GPHN: variants seen among roughly 807,000 people sequenced by gnomAD.
GPHN encodes gephyrin.
A neutral mutation model predicts 95.5 loss-of-function variants in GPHN; 17 were observed. That is an observed-to-expected ratio of 0.18 (90% CI 0.12 to 0.27). The LOEUF is 0.27. Among genes scored for constraint, GPHN ranks in the 10% least tolerant of loss-of-function variants. The pLI is 1.00. For missense variants in GPHN, 660 were observed against 978.1 expected, an observed-to-expected ratio of 0.67 and a Z score of 4.34; for synonymous variants, 320 against 322.5, an observed-to-expected ratio of 0.99 and a Z score of 0.08.
the GPHN span, among the ~76,000 whole-genome samples, chr14:67,545,674 G>A: frequency 6.6e-6 from 1 of 152,172 alleles, no homozygotes; most frequent in Non-Finnish European, 1.5e-5. Flanking sequence ...CAGAGAGATG[G>A]ATAAACATAT....
chr14:67,604,737 C>G, the GPHN span, among the ~76,000 whole-genome samples: 1 of 152,036 alleles, frequency 6.6e-6, no homozygotes, highest in Non-Finnish European at 1.5e-5. Context: ...AAAACTTTGC[C>G]TATCTTTTTT....
At chr14:66,531,854 A>C (rs1476203137) in intron 1 of GPHN, among the ~76,000 whole-genome samples, 1 of 152,204 alleles carries the variant, frequency 6.6e-6, no homozygotes, top group South Asian at 2.1e-4. Flanking sequence ...AGGGTTTTCA[A>C]AACTTTTTTA....
intron 17 of GPHN, among the ~76,000 whole-genome samples, chr14:67,142,338 C>G (rs2080517501): frequency 6.6e-6 from 1 of 152,156 alleles, no homozygotes; most frequent in Admixed American, 6.5e-5. Context: ...TCAACTATTC[C>G]CAATCATCCT....
At chr14:67,493,284 G>A in the GPHN span, among the ~76,000 whole-genome samples, 15 of 152,046 alleles carry the variant, frequency 9.9e-5, no homozygotes, top group Non-Finnish European at 1.5e-4. Context: ...ACCCAAACAC[G>A]CCCAAGCATA....
the GPHN span, among the ~76,000 whole-genome samples, chr14:67,366,160 G>A: frequency 6.6e-6 from 1 of 151,222 alleles, no homozygotes; most frequent in African/African-American, 2.4e-5. Flanking sequence ...ATAGGTCGCT[G>A]CAGCCTTGAA....
chr14:66,633,347 A>T (rs1490695347), intron 1 of GPHN, among the ~76,000 whole-genome samples: 5 of 152,170 alleles, frequency 3.3e-5, no homozygotes, highest in Admixed American at 6.5e-5. Context: ...TTATTAAGGA[A>T]TCAACAAAAA....
At chr14:67,555,803 C>G in the GPHN span, 4 of 1,612,510 alleles carry the variant, frequency 2.5e-6, no homozygotes, top group Non-Finnish European at 3.4e-6. Context: ...CCTACATCTC[C>G]CCTTTCTCTC....
the GPHN span, among the ~76,000 whole-genome samples, chr14:67,583,376 A>G: frequency 3.9e-5 from 6 of 152,008 alleles, no homozygotes; most frequent in African/African-American, 1.4e-4. Context: ...CATTTGGAAC[A>G]CTCTGCTGTA....
chr14:66,974,872 A>G (rs1396383718), intron 9 of GPHN, among the ~76,000 whole-genome samples: 3 of 152,150 alleles, frequency 2.0e-5, no homozygotes, highest in East Asian at 1.9e-4. Context: ...GTGGCTTTCA[A>G]AAAGTTACTT....
chr14:67,466,212 G>A, the GPHN span, among the ~76,000 whole-genome samples: 1 of 152,270 alleles, frequency 6.6e-6, no homozygotes, highest in African/African-American at 2.4e-5. Context: ...CTGTTTGGAA[G>A]CTGTAATTGT....
chr14:66,718,064 A>G (rs1003088849), intron 2 of GPHN, among the ~76,000 whole-genome samples: 2 of 152,126 alleles, frequency 1.3e-5, no homozygotes, highest in Non-Finnish European at 2.9e-5. Context: ...GGGCCCTAGA[A>G]TGCCCGAGTG....
At chr14:67,706,863 C>T in the GPHN span, among the ~76,000 whole-genome samples, 1 of 152,106 alleles carries the variant, frequency 6.6e-6, no homozygotes, top group Admixed American at 6.5e-5. Context: ...ATGGTTCGTT[C>T]CTAGACAGGT....
At chr14:67,023,960 C>T (rs1393206565) in intron 10 of GPHN, among the ~76,000 whole-genome samples, 5 of 151,904 alleles carry the variant, frequency 3.3e-5, no homozygotes, top group African/African-American at 4.8e-5. Flanking sequence ...GTTCCACTGC[C>T]AAAAGTTATT....
chr14:66,790,326 A>T (rs1159065026), intron 3 of GPHN, among the ~76,000 whole-genome samples: 1 of 152,194 alleles, frequency 6.6e-6, no homozygotes, highest in African/African-American at 2.4e-5. Flanking sequence ...AAGATCAGCC[A>T]GGAAGTACTC....
the GPHN span, among the ~76,000 whole-genome samples, chr14:67,254,033 C>CG: frequency 1.3e-4 from 18 of 143,080 alleles, no homozygotes; most frequent in Middle Eastern, 3.8e-3. Context: ...CATCCCCCCC[C>CG]CCTTACAAGT....
chr14:67,303,407 T>C, the GPHN span: 2 of 744,928 alleles, frequency 2.7e-6, no homozygotes. Flanking sequence ...CTGCTGGTCA[T>C]TTAAGTCTGT....
intron 8 of GPHN, among the ~76,000 whole-genome samples, chr14:66,935,723 C>T (rs984864122): frequency 2.6e-5 from 4 of 151,306 alleles, no homozygotes; most frequent in African/African-American, 4.9e-5. Context: ...TTTATGTGCA[C>T]GTATACATGT....
intron 1 of GPHN, among the ~76,000 whole-genome samples, chr14:66,573,107 T>C (rs1384941588): frequency 6.6e-6 from 1 of 152,234 alleles, no homozygotes; most frequent in African/African-American, 2.4e-5. Context: ...ACTTATTTTG[T>C]GGGCTAACAT....
intron 9 of GPHN, among the ~76,000 whole-genome samples, chr14:67,006,714 A>G (rs1017457455): frequency 1.3e-5 from 2 of 152,166 alleles, no homozygotes; most frequent in African/African-American, 2.4e-5. Flanking sequence ...ATTAATCACT[A>G]GTAATCATCA....
Sources: gnomAD v4.1 joint callset for allele counts (sites outside exome capture counted in the v4.1 genomes callset) on GRCh38, gnomAD v4.1.1 for gene constraint, MANE v1.5 for transcripts, NCBI Gene and HGNC (gene_info 2026-07-23, HGNC 2026-07-21) for gene names.